Variants in MPDZ observed in about 807,000 individuals in gnomAD.
MPDZ encodes the protein multiple PDZ domain crumbs cell polarity complex component, also known as multiple PDZ domain protein.
A neutral mutation model predicts 239.1 loss-of-function variants in MPDZ; 234 were observed. The observed-to-expected ratio is 0.98, with a 90% CI of 0.88 to 1.09. The LOEUF (loss-of-function observed/expected upper bound fraction) is 1.09, where lower values mean the gene tolerates loss of function less well. Ranked by LOEUF, MPDZ falls within the 50% of genes least tolerant of loss-of-function variation. The pLI is 0.00. For synonymous variants in MPDZ, 1,048 were observed against 881.3 expected, an observed-to-expected ratio of 1.19 and a Z score of -3.35; for missense variants, 3,175 against 2,510.0, an observed-to-expected ratio of 1.26 and a Z score of -5.66.
chr9:13,117,210 A>C (rs1179725614), intron 39 of MPDZ, among the ~76,000 whole-genome samples: 1 of 152,170 alleles, frequency 6.6e-6, no homozygotes, highest in Non-Finnish European at 1.5e-5. Context: ...GGGCAACTGA[A>C]ACCACAGGAA....
At chr9:13,203,675 A>G (rs1956647548) in intron 12 of MPDZ, among the ~76,000 whole-genome samples, 2 of 151,436 alleles carry the variant, frequency 1.3e-5, no homozygotes, top group African/African-American at 4.9e-5. Flanking sequence ...TTTTGTTTAA[A>G]AAAGATTCTG....
chr9:13,123,244 G>T lies in MPDZ; in HGVS notation c.4862C>A (p.Pro1621His). 6.2e-7 allele frequency: 1 copy of T among 1,613,470 alleles called. No individual in the cohort carries two copies. Among genetic ancestry groups the T allele is most frequent in the Non-Finnish European group, 8.5e-7 (1 of 1,179,754 alleles). ...AIFASDPATC[P>H]IIPGCETTIE... ...GGTTGTTTCGCAGCCAGGGATAATG[G>T]GGCAGGTTGCAGGATCAGAAGCAAA... is the stretch of plus-strand genomic sequence containing the variant. The change falls in exon 36 of 47, where the codon CCC becomes CAC. Residue 1621 changes from proline (P) to histidine (H), a missense_variant. By Grantham distance (77) the Pro-to-His change is moderately conservative. Coordinates refer to ENST00000319217, the MANE Select transcript of MPDZ (RefSeq NM_001378778.1).
intron 1 of MPDZ, among the ~76,000 whole-genome samples, chr9:13,268,152 T>TATA (rs1972173100): frequency 2.0e-5 from 3 of 146,904 alleles, no homozygotes; most frequent in Non-Finnish European, 3.0e-5. Flanking sequence ...AAAAGGAAAA[T>TATA]TATATATATA....
At chr9:13,182,754 T>TA (rs1189936348) in intron 19 of MPDZ, among the ~76,000 whole-genome samples, 6 of 152,158 alleles carry the variant, frequency 3.9e-5, no homozygotes, top group African/African-American at 1.2e-4. Context: ...GGATACATTT[T>TA]AAAGTATTAC....
intron 33 of MPDZ, 36 bp from the exon 34 acceptor site, chr9:13,126,626 C>T: frequency 1.2e-6 from 2 of 1,610,692 alleles, no homozygotes; most frequent in African/African-American, 1.3e-5. Flanking sequence ...AGTGATATTC[C>T]AAAAGTAATT....
rs1409415399 is a variant in MPDZ at position 13,126,458 on chromosome 9, CT to C, written c.4632+57del. The C allele has an allele frequency of 2.5e-6, 3 of 1,219,370 alleles. No homozygotes were observed. In the African/African-American group the frequency reaches 4.5e-5, roughly 18 times the overall value. 75.5% of individuals were successfully genotyped at this position (1,219,370 alleles called of 1,614,324 possible). On this transcript the variant is annotated intron_variant, in intron 34 of 46. Transcript: ENST00000319217. ...TTCTCTATGATCGCAGACACAAACACTTTAATCATGCCCAAGGATGGGCCTA... is the reference window on the plus strand; with the variant it reads ...TTCTCTATGATCGCAGACACAAACACTTAATCATGCCCAAGGATGGGCCTA...
intron 18 of MPDZ, 133 bp downstream of exon 18, chr9:13,186,137 G>T: frequency 2.2e-6 from 1 of 446,366 alleles, no homozygotes; most frequent in Non-Finnish European, 3.8e-6. Context: ...GAACTAAGTT[G>T]GAGAAAACAT....
rs1430007946 is a variant in MPDZ at position 13,106,976 on chromosome 9, C to T, written c.6202G>A (p.Val2068Ile). Residue 2068 changes from valine (V) to isoleucine (I), a missense_variant, in exon 47 of 47, where the codon GTT becomes ATT. Coordinates refer to ENST00000319217, the MANE Select transcript of MPDZ (RefSeq NM_001378778.1). ...TTCTGGCAGCCAATTCAAGAGAGAA[C>T]CATCAAAGTGACAGTGCCTTTTGTC... ...KRTKGTVTLMVLS is the reference protein window; with the variant it reads ...KRTKGTVTLMILS 1 of 1,613,516 alleles carries T rather than the reference C, an allele frequency of 6.2e-7. No homozygotes were observed. The highest frequency in any genetic ancestry group is 1.3e-5 in the African/African-American group (1 of 75,038).
intron 23 of MPDZ, among the ~76,000 whole-genome samples, chr9:13,160,220 T>TG (rs1167704849): frequency 6.6e-6 from 1 of 152,202 alleles, no homozygotes. Flanking sequence ...GGTAAGAACA[T>TG]GGAGTATGCT....
At chr9:13,234,913 T>G (rs1481976355) in intron 3 of MPDZ, among the ~76,000 whole-genome samples, 1 of 152,048 alleles carries the variant, frequency 6.6e-6, no homozygotes, top group Non-Finnish European at 1.5e-5. Flanking sequence ...TGTAAAACAC[T>G]CTCTGGAAAT....
At chr9:13,213,139 A>C (rs1193500481) in intron 10 of MPDZ, among the ~76,000 whole-genome samples, 1 of 152,098 alleles carries the variant, frequency 6.6e-6, no homozygotes, top group Non-Finnish European at 1.5e-5. Context: ...TTATCTAATG[A>C]CAAGTTTGTT....
At position 13,270,513 on chromosome 9, in the gene MPDZ, T is replaced by A. The variant is rs369745878; in HGVS notation, c.-58+8887A>T. Among the ~76,000 whole-genome samples, 6 of 151,230 alleles carry A rather than the reference T, an allele frequency of 4.0e-5. No individual in the cohort carries two copies. In the East Asian group the frequency reaches 1.2e-3, roughly 29 times the overall value. On this transcript the variant is annotated intron_variant, in intron 1 of 46. Transcript: ENST00000319217. ...ACCTTGGCTAGTTCTAAAGGCAATA[T>A]GATAAAAGACATGGGTAAAAGACAT...
intron 3 of MPDZ, among the ~76,000 whole-genome samples, chr9:13,245,988 T>A (rs746202545): frequency 2.6e-5 from 4 of 152,232 alleles, no homozygotes; most frequent in Non-Finnish European, 5.9e-5. Flanking sequence ...TTTCAACTTT[T>A]CTTCTCATTC....
chr9:13,247,558 G>GC lies in MPDZ; in HGVS notation c.183+76dup, dbSNP rs1262446648. On this transcript the variant is annotated intron_variant, in intron 3 of 46. Transcript: ENST00000319217. ...TATTCATTAACACATAGAAAAATCA[G>GC]CCTTTCAGAAAAACACAAGCCTTTC... The GC allele has an allele frequency of 1.1e-5, 16 of 1,482,142 alleles. No individual in the cohort carries two copies. The Admixed American group carries it at 2.9e-4, about 27-fold the overall frequency. The allele number at this position is 1,482,142 out of a possible 1,614,324, so 91.8% of individuals were successfully genotyped here.
intron 12 of MPDZ, among the ~76,000 whole-genome samples, chr9:13,202,540 C>T (rs1403571724): frequency 2.0e-5 from 3 of 152,190 alleles, no homozygotes; most frequent in Non-Finnish European, 4.4e-5. Context: ...AAGATACATG[C>T]CAGTCACTGT....
Position 13,190,308 on chromosome 9 carries a change from T to C in MPDZ, c.1969-9A>G, listed in dbSNP as rs372115124. 31 of 1,527,366 alleles carry C rather than the reference T, an allele frequency of 2.0e-5. No individual in the cohort carries two copies. The Middle Eastern group carries it at 8.7e-4, about 43-fold the overall frequency. The allele number at this position is 1,527,366 out of a possible 1,614,324, so 94.6% of individuals were successfully genotyped here. A position where few individuals can be genotyped will look rare whatever the true frequency, so the allele number is the denominator to read the frequency against. On this transcript the variant is annotated splice_polypyrimidine_tract_variant and intron_variant, in intron 15 of 46. Transcript: ENST00000319217. ...CCTAGATCTACGTGAGGCTGGATAA[T>C]ATCAGACAGCTCTTATTTCAGAGGC...
intron 31 of MPDZ, chr9:13,135,488 T>C (rs1229691108): frequency 6.6e-6 from 1 of 152,116 alleles, no homozygotes; most frequent in Non-Finnish European, 1.5e-5. Context: ...CTAACCTCTC[T>C]CCCCTGCTAC....
At position 13,121,746 on chromosome 9, in the gene MPDZ, C is replaced by T. The variant is rs745864046; in HGVS notation, c.5224G>A (p.Gly1742Ser). ...TGTCCTCCTCAATCACACCTTTTAC[C>T]AACAATACTTAATCCTAGGCCTTTT... is the stretch of plus-strand genomic sequence containing the variant. ...PGKGLGLSIVGKRNDTGVFVS... is the reference protein window; with the variant it reads ...PGKGLGLSIVSKRNDTGVFVS... The change falls in exon 38 of 47, where the codon GGT (glycine) becomes AGT (serine). Residue 1742 changes from glycine (G) to serine (S), a missense_variant. By Grantham distance (56) the Gly-to-Ser change is moderately conservative. Transcript: ENST00000319217. 5.0e-6 allele frequency: 8 copies of T among 1,613,768 alleles called. No homozygotes were observed. The African/African-American group carries it at 1.1e-4, about 22-fold the overall frequency.
Position 13,217,260 on chromosome 9 carries a change from TCA to T in MPDZ, c.1119_1120del (p.Ser373ArgfsTer4), listed in dbSNP as rs776428463. 1.2e-6 allele frequency: 2 copies of T among 1,601,096 alleles called. No individual in the cohort carries two copies. Among genetic ancestry groups the T allele is most frequent in the Non-Finnish European group, 1.7e-6 (2 of 1,172,878 alleles). ...TTTAGTGAGTTCTACATCAAATGTC[TCA>T]CTTTCTTCACCTTTCTGAGTAGAAG... On this transcript the variant is annotated frameshift_variant, in exon 9 of 47. Transcript: ENST00000319217. LOFTEE classifies it high-confidence loss of function.
Sources: allele counts gnomAD v4.1 joint callset (sites outside exome capture counted in the v4.1 genomes callset), GRCh38; gene constraint gnomAD v4.1.1; transcripts MANE v1.5; gene names NCBI Gene and HGNC (gene_info 2026-07-23, HGNC 2026-07-21).